ESR1: variants seen among roughly 807,000 people sequenced by gnomAD.
ESR1 encodes the protein estrogen receptor 1.
A neutral mutation model predicts 52.7 loss-of-function variants in ESR1; 12 were observed. The ratio of observed to expected loss-of-function variants is 0.23; its 90% confidence interval spans 0.15 to 0.37. ESR1 has a LOEUF of 0.37. Ranked by LOEUF, ESR1 falls within the 10% of genes least tolerant of loss-of-function variation. The pLI is 1.00. For missense variants in ESR1, 584 were observed against 779.7 expected (o/e 0.75, Z 2.99); for synonymous variants, 305 against 316.8 (o/e 0.96, Z 0.39).
chr6:151,983,174 A>T (rs1021277958), intron 4 of ESR1, among the ~76,000 whole-genome samples: 35 of 152,070 alleles, frequency 2.3e-4, no homozygotes, highest in African/African-American at 8.2e-4. Flanking sequence ...GCTATAATAG[A>T]CTCATGAACT....
At chr6:151,837,101 G>A (rs1241510117) in intron 1 of ESR1, among the ~76,000 whole-genome samples, 1 of 149,136 alleles carries the variant, frequency 6.7e-6, no homozygotes, top group African/African-American at 2.5e-5. Flanking sequence ...GACCCAATAT[G>A]AATACCTTCA....
chr6:151,926,736 A>C (rs187260295), intron 3 of ESR1, among the ~76,000 whole-genome samples: 1 of 152,062 alleles, frequency 6.6e-6, no homozygotes, highest in East Asian at 1.9e-4. Context: ...TCCAGGGGAG[A>C]TTTTGTTGTT....
At chr6:151,762,948 A>G (rs1304964101) in intron 2 of ESR1, among the ~76,000 whole-genome samples, 1 of 152,088 alleles carries the variant, frequency 6.6e-6, no homozygotes, top group East Asian at 1.9e-4. Flanking sequence ...TCAAAAACAA[A>G]CAAACAAACA....
intron 5 of ESR1, among the ~76,000 whole-genome samples, chr6:152,041,783 G>A (rs2045822780): frequency 6.6e-6 from 1 of 152,216 alleles, no homozygotes; most frequent in South Asian, 2.1e-4. Flanking sequence ...GACAGTAAAG[G>A]TATATTGCTG....
chr6:151,713,880 A>G (rs1196701426), intron 2 of ESR1, among the ~76,000 whole-genome samples: 1 of 151,880 alleles, frequency 6.6e-6, no homozygotes, highest in Non-Finnish European at 1.5e-5. Context: ...GTCTTCTGCT[A>G]GCTTTTGAAT....
chr6:151,951,278 C>T (rs969345629), intron 4 of ESR1, among the ~76,000 whole-genome samples: 13 of 152,004 alleles, frequency 8.6e-5, no homozygotes, highest in African/African-American at 2.4e-4. Context: ...ACAGTTGTTT[C>T]GGTTTCATTC....
chr6:152,086,063 C>T (rs72993663), intron 6 of ESR1, among the ~76,000 whole-genome samples: 1 of 152,288 alleles, frequency 6.6e-6, no homozygotes, highest in Non-Finnish European at 1.5e-5. Flanking sequence ...AAAGGAAACC[C>T]TCAAAGCCTC....
At chr6:151,785,189 G>C (rs1466478517) in intron 2 of ESR1, among the ~76,000 whole-genome samples, 1 of 152,212 alleles carries the variant, frequency 6.6e-6, no homozygotes, top group African/African-American at 2.4e-5. Context: ...CAGTGACCAA[G>C]ACAGAAAGTG....
At chr6:152,065,198 A>G (rs908374666) in intron 6 of ESR1, among the ~76,000 whole-genome samples, 1 of 152,256 alleles carries the variant, frequency 6.6e-6, no homozygotes, top group Non-Finnish European at 1.5e-5. Flanking sequence ...TCCTGAGACT[A>G]TTAATTATGC....
downstream of ESR1, among the ~76,000 whole-genome samples, chr6:152,106,653 ATCTC>A (rs2051070601): frequency 6.6e-6 from 1 of 152,190 alleles, no homozygotes; most frequent in South Asian, 2.1e-4. Context: ...CAGTGGCACA[ATCTC>A]AGCTCACTGT....
chr6:151,811,862 C>A (rs1240012278), intron 1 of ESR1, among the ~76,000 whole-genome samples: 2 of 152,138 alleles, frequency 1.3e-5, no homozygotes, highest in African/African-American at 4.8e-5. Context: ...ATCCCCATTT[C>A]ATTTTCACCT....
At chr6:151,945,535 TGACTTTCTCCCTGCCCCAGTG>T (rs1464185374) in intron 4 of ESR1, among the ~76,000 whole-genome samples, 1 of 152,158 alleles carries the variant, frequency 6.6e-6, no homozygotes, top group African/African-American at 2.4e-5. Context: ...GACTAGAAAA[TGACTTTCTCCCTGCCCCAGTG>T]TATTCGTTCA....
intron 4 of ESR1, among the ~76,000 whole-genome samples, chr6:151,947,405 T>A (rs6914211): frequency 0.16 from 24,601 of 152,188 alleles, 2,279 homozygotes; most frequent in African/African-American, 0.24. Flanking sequence ...GAATTAGCTA[T>A]ATGATACAAA....
intron 2 of ESR1, among the ~76,000 whole-genome samples, chr6:151,866,523 T>C (rs958753443): frequency 2.0e-5 from 3 of 151,446 alleles, no homozygotes; most frequent in Admixed American, 2.0e-4. Flanking sequence ...TTCCCCTCCC[T>C]GTGTCCATGT....
intron 5 of ESR1, among the ~76,000 whole-genome samples, chr6:152,052,725 C>T (rs1414639275): frequency 6.6e-6 from 1 of 152,030 alleles, no homozygotes; most frequent in African/African-American, 2.4e-5. Flanking sequence ...CCAATCTGTG[C>T]CTTGAAAGAT....
rs34905961 is a variant in ESR1 at position 151,700,668 on chromosome 6, CTTTT to C, written c.-201-1188_-201-1185del. 3.3e-3 allele frequency among the ~76,000 whole-genome samples: 392 copies of C among 117,194 alleles called. 2 individuals are homozygous for C. Among genetic ancestry groups the C allele is most frequent in the African/African-American group, 9.7e-3 (297 of 30,626 alleles). The allele number at this position is 117,194 out of a possible 152,430, so 76.9% of individuals were successfully genotyped here. A position where few individuals can be genotyped will look rare whatever the true frequency, so the allele number is the denominator to read the frequency against. ...CTCCCTAATACAATGTTAAACTTTCCTTTTTTTTTTTTTTTTTTTTTTGAGAAAA... is the reference window on the plus strand; with the variant it reads ...CTCCCTAATACAATGTTAAACTTTCCTTTTTTTTTTTTTTTTTTGAGAAAA... On this transcript the variant is annotated intron_variant, in intron 1 of 2. Transcript: ENST00000404742.
chr6:151,664,094 A>G (rs1272730829), intron 1 of ESR1, among the ~76,000 whole-genome samples: 1 of 152,204 alleles, frequency 6.6e-6, no homozygotes, highest in Non-Finnish European at 1.5e-5. Context: ...CATTCTTGCT[A>G]GATGAGTAAA....
intron 6 of ESR1, among the ~76,000 whole-genome samples, chr6:152,108,816 T>C (rs1319968703): frequency 6.6e-6 from 1 of 152,226 alleles, no homozygotes; most frequent in African/African-American, 2.4e-5. Flanking sequence ...ATTACCACGT[T>C]TAGATTTGCT....
chr6:151,795,549 A>AG (rs1776616999), intron 2 of ESR1, among the ~76,000 whole-genome samples: 2 of 152,048 alleles, frequency 1.3e-5, no homozygotes, highest in African/African-American at 4.8e-5. Context: ...ATAGTAAAAA[A>AG]GTGTCAGTTA....
Sources: allele counts gnomAD v4.1 joint callset (sites outside exome capture counted in the v4.1 genomes callset), GRCh38; gene constraint gnomAD v4.1.1; transcripts MANE v1.5; gene names NCBI Gene and HGNC (gene_info 2026-07-23, HGNC 2026-07-21).